YAP1: variants seen among roughly 807,000 people sequenced by gnomAD.
The protein encoded by YAP1 is Yes1 associated transcriptional regulator, also known as transcriptional coactivator YAP1.
A neutral mutation model predicts 56.9 loss-of-function variants in YAP1; 5 were observed. The observed-to-expected ratio is 0.09, with a 90% CI of 0.05 to 0.18. YAP1 has a LOEUF of 0.18. Ranked by LOEUF, YAP1 falls within the 10% of genes least tolerant of loss-of-function variation. The pLI, the probability that YAP1 is intolerant of heterozygous loss-of-function variation, is 1.00. For missense variants in YAP1, 539 were observed against 651.8 expected (o/e 0.83, Z 1.88); for synonymous variants, 265 against 248.1 (o/e 1.07, Z -0.64).
At chr11:102,139,624 ATT>A (rs1310989317) in intron 2 of YAP1, among the ~76,000 whole-genome samples, 2 of 152,214 alleles carry the variant, frequency 1.3e-5, no homozygotes, top group Non-Finnish European at 2.9e-5. Context: ...GAATACAATG[ATT>A]CCCCCATCCC....
In YAP1 at chr11:102,229,345, G is replaced by C. The variant is rs541207031; in HGVS notation, c.1277-357G>C. On this transcript the variant is annotated intron_variant, in intron 8 of 8. Coordinates refer to ENST00000282441, the MANE Select transcript of YAP1 (RefSeq NM_001130145.3). ...CATGTTTATGTTTAGTCTTATTATG[G>C]TGGTGCTTATCTGGAAGACAGGGTA... Among the ~76,000 whole-genome samples, 5 of 152,296 alleles carry C rather than the reference G, an allele frequency of 3.3e-5. No individual in the cohort carries two copies. The East Asian group carries it at 9.6e-4, about 29-fold the overall frequency.
intron 2 of YAP1, among the ~76,000 whole-genome samples, chr11:102,134,023 C>G (rs955640829): frequency 6.6e-6 from 1 of 152,204 alleles, no homozygotes; most frequent in Non-Finnish European, 1.5e-5. Flanking sequence ...CTGCCACTCT[C>G]ATGACCTGAT....
chr11:102,178,804 T>C (rs985883125), intron 3 of YAP1, among the ~76,000 whole-genome samples: 7 of 152,048 alleles, frequency 4.6e-5, no homozygotes, highest in Non-Finnish European at 8.8e-5. Flanking sequence ...TAAAGAAAGG[T>C]TTAATTTGGC....
chr11:102,112,388 A>G (rs1942995737), intron 1 of YAP1: 1 of 972,018 alleles, frequency 1.0e-6, no homozygotes, highest in Non-Finnish European at 1.2e-6. Flanking sequence ...TGTTTTGTGT[A>G]GGGTTCTCTC....
At chr11:102,169,636 AC>A (rs1445087095) in intron 3 of YAP1, among the ~76,000 whole-genome samples, 4 of 152,176 alleles carry the variant, frequency 2.6e-5, no homozygotes, top group South Asian at 2.1e-4. Context: ...AAATAAAAAC[AC>A]TTATTTTTTT....
chr11:102,229,967 T>C lies in YAP1; in HGVS notation c.*27T>C. Reference sequence around the variant, plus strand: ...GCCCTCAGGCAGACTGAATTCTAAATCTGTGAAGGATCTAAGGAGACACAT... The same window carrying C: ...GCCCTCAGGCAGACTGAATTCTAAACCTGTGAAGGATCTAAGGAGACACAT... On this transcript the variant is annotated 3_prime_UTR_variant, in exon 9 of 9. Transcript: ENST00000282441. The C allele has an allele frequency of 6.3e-7, 1 of 1,597,446 alleles. No homozygotes were observed. The highest frequency in any genetic ancestry group is 8.6e-7 in the Non-Finnish European group (1 of 1,165,344).
chr11:102,209,614 T>A, intron 6 of YAP1, 50 bp downstream of exon 6: 1 of 1,414,380 alleles, frequency 7.1e-7, no homozygotes, highest in Non-Finnish European at 9.7e-7. Flanking sequence ...AAAAAAGATA[T>A]TAAATTAGGA....
At chr11:102,217,654 G>C (rs1025484535) in intron 6 of YAP1, among the ~76,000 whole-genome samples, 1 of 152,094 alleles carries the variant, frequency 6.6e-6, no homozygotes, top group African/African-American at 2.4e-5. Context: ...GGTTGAAGTA[G>C]GGGAGGTGAG....
intron 4 of YAP1, among the ~76,000 whole-genome samples, chr11:102,196,323 A>G (rs1948571550): frequency 6.6e-6 from 1 of 152,222 alleles, no homozygotes; most frequent in South Asian, 2.1e-4. Context: ...CCAAATGTCC[A>G]TTAGTTGATG....
At chr11:102,176,026 T>G (rs1947226736) in intron 3 of YAP1, among the ~76,000 whole-genome samples, 2 of 152,210 alleles carry the variant, frequency 1.3e-5, no homozygotes, top group African/African-American at 4.8e-5. Context: ...TTCAGATATT[T>G]ATGTTTATGG....
At chr11:102,155,365 T>G (rs1266266731) in intron 2 of YAP1, among the ~76,000 whole-genome samples, 1 of 152,192 alleles carries the variant, frequency 6.6e-6, no homozygotes, top group South Asian at 2.1e-4. Context: ...ACATTACGTA[T>G]AGAATATGTA....
At chr11:102,187,796 T>C (rs1293791787) in intron 4 of YAP1, among the ~76,000 whole-genome samples, 3 of 152,138 alleles carry the variant, frequency 2.0e-5, no homozygotes, top group African/African-American at 7.2e-5. Flanking sequence ...GGAGGTACTT[T>C]AAAAAAACAC....
chr11:102,165,261 G>A (rs180813362), intron 3 of YAP1, among the ~76,000 whole-genome samples: 4 of 152,224 alleles, frequency 2.6e-5, no homozygotes, highest in Admixed American at 2.6e-4. Flanking sequence ...TCAGGAGGCT[G>A]AGGTGGGAGG....
At chr11:102,218,149 C>T in intron 6 of YAP1, among the ~76,000 whole-genome samples, 1 of 152,212 alleles carries the variant, frequency 6.6e-6, no homozygotes, top group East Asian at 1.9e-4. Flanking sequence ...TCACCTGTAA[C>T]TAAAAGTTTC....
intron 3 of YAP1, among the ~76,000 whole-genome samples, chr11:102,179,110 A>C (rs1007355766): frequency 3.7e-4 from 45 of 122,868 alleles, no homozygotes; most frequent in African/African-American, 1.3e-3. Context: ...ATCCCATTTC[A>C]CTATGAAATT....
intron 2 of YAP1, among the ~76,000 whole-genome samples, chr11:102,123,453 C>CT (rs1170443734): frequency 6.6e-6 from 1 of 151,990 alleles, no homozygotes; most frequent in Non-Finnish European, 1.5e-5. Flanking sequence ...TTTGCTCACT[C>CT]TTTGAGTTTG....
rs778358249 is a variant in YAP1, at chr11:102,162,540, A to G, written c.657A>G (p.Pro219=). The G allele has an allele frequency of 5.0e-6, 8 of 1,614,236 alleles. No individual in the cohort carries two copies. The highest frequency in any genetic ancestry group is 5.9e-6 in the Non-Finnish European group (7 of 1,180,034). Residue 219 remains proline, a synonymous_variant, in exon 3 of 9, where the codon CCA becomes CCG. Transcript: ENST00000282441. The part of the protein sequence containing the change: ...QMNVTAPTSP[P]VQQNMMNSAS... ...ACGTCACAGCCCCCACCAGTCCACC[A>G]GTGCAGCAGAATATGATGAACTCGG...
chr11:102,221,087 C>G (rs1949906098), intron 6 of YAP1, among the ~76,000 whole-genome samples: 1 of 152,156 alleles, frequency 6.6e-6, no homozygotes, highest in Admixed American at 6.5e-5. Flanking sequence ...GTTCAGGAAG[C>G]TGTCAGGTTA....
rs67023819 is a variant in YAP1 at position 102,161,053 on chromosome 11, C to CTTTTTTT, written c.573-1384_573-1378dup. On this transcript the variant is annotated intron_variant, in intron 2 of 8. Coordinates refer to ENST00000282441, the MANE Select transcript of YAP1 (RefSeq NM_001130145.3). ...GGCCAGTGTCACCAATAATTTCTTTCTTTTTTTTTTTTTTTTTTTTTTTTT... is the reference window on the plus strand; with the variant it reads ...GGCCAGTGTCACCAATAATTTCTTTCTTTTTTTTTTTTTTTTTTTTTTTTTTTTTTTT... 1.2e-3 allele frequency among the ~76,000 whole-genome samples: 90 copies of CTTTTTTT among 75,504 alleles called. 2 individuals carry two copies. Among genetic ancestry groups the CTTTTTTT allele is most frequent in the African/African-American group, 3.5e-3 (63 of 17,820 alleles). 49.5% of individuals were successfully genotyped at this position (75,504 alleles called of 152,430 possible).
Sources: gnomAD v4.1 joint callset for allele counts (sites outside exome capture counted in the v4.1 genomes callset) on GRCh38, gnomAD v4.1.1 for gene constraint, MANE v1.5 for transcripts, NCBI Gene and HGNC (gene_info 2026-07-23, HGNC 2026-07-21) for gene names.